Variants in NDST4 observed in about 807,000 individuals in gnomAD.
The protein encoded by NDST4 is N-heparan sulfate sulfotransferase 4.
NDST4 carries 63 observed loss-of-function variants against 100.8 expected under a neutral mutation model. The ratio of observed to expected loss-of-function variants is 0.62; its 90% CI spans 0.51 to 0.77. The LOEUF is 0.77. Among genes scored for constraint, NDST4 ranks in the 30% least tolerant of loss-of-function variants. The pLI, the probability that NDST4 is intolerant of heterozygous loss-of-function variation, is 0.00. For synonymous variants in NDST4, 377 were observed against 361.8 expected (o/e 1.04, Z -0.48); for missense variants, 943 against 1,018.4 (o/e 0.93, Z 1.01).
At chr4:114,983,118 C>T (rs1726817134) in intron 2 of NDST4, among the ~76,000 whole-genome samples, 1 of 152,188 alleles carries the variant, frequency 6.6e-6, no homozygotes, top group African/African-American at 2.4e-5. Flanking sequence ...GAGCAGAGCC[C>T]TCATGGAGAA....
chr4:114,870,281 A>G (rs1724119485), intron 7 of NDST4, among the ~76,000 whole-genome samples: 2 of 152,176 alleles, frequency 1.3e-5, no homozygotes, highest in South Asian at 4.1e-4. Flanking sequence ...AAAAGTGAAG[A>G]TATGCTTGAG....
At chr4:115,032,014 C>T (rs1056522234) in intron 2 of NDST4, among the ~76,000 whole-genome samples, 6 of 152,016 alleles carry the variant, frequency 3.9e-5, no homozygotes, top group East Asian at 1.9e-4. Context: ...CAAGACCCAC[C>T]GCCCCCTCCA....
intron 6 of NDST4, among the ~76,000 whole-genome samples, chr4:114,879,584 T>C (rs1019497336): frequency 6.6e-6 from 1 of 152,202 alleles, no homozygotes; most frequent in Non-Finnish European, 1.5e-5. Flanking sequence ...CATTACATTT[T>C]AATCTCCTTG....
At chr4:114,855,800 T>G (rs1417433636) in intron 7 of NDST4, among the ~76,000 whole-genome samples, 1 of 152,212 alleles carries the variant, frequency 6.6e-6, no homozygotes, top group Non-Finnish European at 1.5e-5. Flanking sequence ...TTTTTTATAT[T>G]TCTGTGAAGA....
chr4:114,872,002 G>A (rs1724159155), intron 6 of NDST4, among the ~76,000 whole-genome samples: 1 of 151,870 alleles, frequency 6.6e-6, no homozygotes. Context: ...AAAGTCAAGT[G>A]TCTCATGGCT....
intron 2 of NDST4, among the ~76,000 whole-genome samples, chr4:115,013,370 TAC>T (rs1553961183): frequency 2.8e-5 from 2 of 71,466 alleles, no homozygotes; most frequent in African/African-American, 4.1e-5. Flanking sequence ...TATATATATA[TAC>T]ACACACATAC....
chr4:115,041,962 C>G (rs902757883), intron 2 of NDST4, among the ~76,000 whole-genome samples: 7 of 152,074 alleles, frequency 4.6e-5, no homozygotes, highest in African/African-American at 1.7e-4. Context: ...AAATGTTCAT[C>G]ATATGCCAAC....
At chr4:115,000,981 G>A (rs926838393) in intron 2 of NDST4, among the ~76,000 whole-genome samples, 28 of 151,876 alleles carry the variant, frequency 1.8e-4, no homozygotes, top group East Asian at 3.9e-4. Context: ...AACTCCCCTG[G>A]GCACCTTTAC....
chr4:114,930,671 T>C (rs766414105), intron 6 of NDST4, among the ~76,000 whole-genome samples: 3 of 152,104 alleles, frequency 2.0e-5, no homozygotes, highest in Non-Finnish European at 4.4e-5. Flanking sequence ...TGAAACAAAG[T>C]GGGCATAGCA....
At chr4:115,052,622 G>T (rs547026415) in intron 2 of NDST4, among the ~76,000 whole-genome samples, 2 of 151,580 alleles carry the variant, frequency 1.3e-5, no homozygotes, top group African/African-American at 4.9e-5. Context: ...CGTAAGACGT[G>T]ACTTTTGCTC....
rs568609729 is a variant in NDST4 at position 115,053,350 on chromosome 4, A to C, written c.978+22709T>G. Among the ~76,000 whole-genome samples the C allele has an allele frequency of 4.7e-4, 72 of 152,292 alleles. 1 individual carries two copies. The South Asian group carries it at 0.014, about 31-fold the overall frequency. On this transcript the variant is annotated intron_variant, in intron 2 of 13. Coordinates refer to ENST00000264363, the MANE Select transcript of NDST4 (RefSeq NM_022569.3). ...TAGGATGGACTTTTTCTTTTAAATGATGAGATAATTGTCTCAGGGCTTTAC... is the reference window on the plus strand; with the variant it reads ...TAGGATGGACTTTTTCTTTTAAATGCTGAGATAATTGTCTCAGGGCTTTAC...
intron 2 of NDST4, among the ~76,000 whole-genome samples, chr4:115,057,117 C>T (rs1288598299): frequency 6.6e-6 from 1 of 152,078 alleles, no homozygotes; most frequent in Non-Finnish European, 1.5e-5. Context: ...GAGGCTGATG[C>T]TTCTTTTGGT....
chr4:115,091,707 A>G (rs511497), intron 1 of NDST4, among the ~76,000 whole-genome samples: 117,567 of 152,054 alleles, frequency 0.77, 46,420 homozygotes, highest in African/African-American at 0.93. Context: ...TTTTGTAGCT[A>G]ATTTGAAAGA....
At chr4:114,918,047 T>C in intron 6 of NDST4, among the ~76,000 whole-genome samples, 1 of 152,202 alleles carries the variant, frequency 6.6e-6, no homozygotes, top group African/African-American at 2.4e-5. Context: ...TTTGCTCTCA[T>C]AGTCCAGTTT....
chr4:115,095,619 A>G (rs2126296316), intron 1 of NDST4, among the ~76,000 whole-genome samples: 1 of 152,208 alleles, frequency 6.6e-6, no homozygotes. Flanking sequence ...AGCAATTACC[A>G]ACTAGTACCT....
At chr4:115,103,867 C>A (rs1230868236) in intron 1 of NDST4, among the ~76,000 whole-genome samples, 1 of 152,080 alleles carries the variant, frequency 6.6e-6, no homozygotes, top group Non-Finnish European at 1.5e-5. Context: ...GATAAAAACT[C>A]AAGAGAAGAG....
chr4:115,096,972 T>A (rs1473597981), intron 1 of NDST4, among the ~76,000 whole-genome samples: 1 of 152,100 alleles, frequency 6.6e-6, no homozygotes, highest in East Asian at 1.9e-4. Flanking sequence ...AGCGGCATTT[T>A]ATACCCCTGA....
intron 6 of NDST4, among the ~76,000 whole-genome samples, chr4:114,917,414 A>T (rs1725196941): frequency 6.6e-6 from 1 of 152,092 alleles, no homozygotes; most frequent in South Asian, 2.1e-4. Context: ...TATCCCTCAA[A>T]AAGACATATA....
intron 1 of NDST4, among the ~76,000 whole-genome samples, chr4:115,110,865 T>A (rs1369260380): frequency 6.6e-6 from 1 of 152,026 alleles, no homozygotes; most frequent in Non-Finnish European, 1.5e-5. Context: ...CAGGTTAGAC[T>A]CTAAACATAA....
Sources: allele counts gnomAD v4.1 joint callset (sites outside exome capture counted in the v4.1 genomes callset), GRCh38; gene constraint gnomAD v4.1.1; transcripts MANE v1.5; gene names NCBI Gene and HGNC (gene_info 2026-07-23, HGNC 2026-07-21).